AKNA: variants seen among roughly 807,000 people sequenced by gnomAD.
AKNA encodes the protein AT-hook transcription factor.
A neutral mutation model predicts 138.8 loss-of-function variants in AKNA; 67 were observed. The observed-to-expected ratio is 0.48, with a 90% CI of 0.40 to 0.59. The LOEUF (loss-of-function observed/expected upper bound fraction) is 0.59. Among genes scored for constraint, AKNA ranks in the 20% least tolerant of loss-of-function variants. The pLI is 0.00. For missense variants in AKNA, 1,813 were observed against 1,880.4 expected (o/e 0.96, Z 0.66); for synonymous variants, 737 against 754.4 (o/e 0.98, Z 0.38).
rs1474090822 is a variant in AKNA, at chr9:114,336,786, G to A, written c.*268C>T. On this transcript the variant is annotated 3_prime_UTR_variant, in exon 22 of 22. Coordinates refer to ENST00000374088, the MANE Select transcript of AKNA (RefSeq NM_001317950.2). ...TGCAGGACCAGGAGAGACTGCCTGA[G>A]GTTCTGCCTGGACCGAAGGAGGCCT... The A allele has an allele frequency of 4.9e-6, 2 of 407,302 alleles. No homozygotes were observed. Among genetic ancestry groups the A allele is most frequent in the Admixed American group, 4.3e-5 (1 of 23,266 alleles). The allele number at this position is 407,302 out of a possible 1,614,324, so 25.2% of individuals were successfully genotyped here.
chr9:114,344,137 A>G, intron 18 of AKNA: 2 of 240,204 alleles, frequency 8.3e-6, no homozygotes, highest in Non-Finnish European at 1.6e-5. Flanking sequence ...AGGATTTGAA[A>G]GCAGGCCAGG....
chr9:114,340,913 C>T (rs1192678749), intron 21 of AKNA, among the ~76,000 whole-genome samples: 1 of 152,204 alleles, frequency 6.6e-6, no homozygotes, highest in Non-Finnish European at 1.5e-5. Flanking sequence ...TCGCATACCA[C>T]ATGGGATCGT....
Position 114,368,683 on chromosome 9 carries a change from C to T in AKNA, c.1417-88G>A, listed in dbSNP as rs1012212363. The T allele has an allele frequency of 5.3e-6, 6 of 1,129,068 alleles. No individual in the cohort carries two copies. In the African/African-American group the frequency reaches 8.0e-5, roughly 15 times the overall value. The allele number at this position is 1,129,068 out of a possible 1,614,324, so 69.9% of individuals were successfully genotyped here. A position where few individuals can be genotyped will look rare whatever the true frequency, so the allele number is the denominator to read the frequency against. On this transcript the variant is annotated intron_variant, in intron 4 of 21. Coordinates refer to ENST00000374088, the MANE Select transcript of AKNA (RefSeq NM_001317950.2). The stretch of plus-strand genomic sequence containing the variant: ...CTCATCTTCATTCAGGAGCTCAACA[C>T]ACATGCCCTGTAGTAATAAATACCA...
chr9:114,348,046 C>A, intron 15 of AKNA, 146 bp from the exon 16 acceptor site: 4 of 863,102 alleles, frequency 4.6e-6, no homozygotes, highest in Non-Finnish European at 7.0e-6. Flanking sequence ...CTAGAACTTT[C>A]CTGTGCGACA....
chr9:114,331,989 G>T (rs993740130), downstream of AKNA: 1 of 1,466,316 alleles, frequency 6.8e-7, no homozygotes, highest in Non-Finnish European at 9.5e-7. Context: ...GGCAGCCCCA[G>T]AGGCCCAGAG....
At chr9:114,361,969 C>A in intron 8 of AKNA, 58 bp from the exon 9 acceptor site, 1 of 1,565,498 alleles carries the variant, frequency 6.4e-7, no homozygotes, top group South Asian at 1.1e-5. Flanking sequence ...TCAGGCAGGT[C>A]CAGGAACAGA....
In AKNA at chr9:114,377,370, T is replaced by G. The variant is rs1395754471; in HGVS notation, c.437A>C (p.Tyr146Ser). Residue 146 changes from tyrosine to serine, a missense_variant, in exon 3 of 22, where the codon TAT becomes TCT. By Grantham distance (144) the Tyr-to-Ser change is moderately radical. Coordinates refer to ENST00000374088, the MANE Select transcript of AKNA (RefSeq NM_001317950.2). ...GCCTTCCAAGCTGAGACCAGCCTCA[T>G]ACCCCAACCTTGAGGAGCTCTCTCC... Reference protein sequence around the residue: ...EAGESSSRLGYEAGLSLEGHG... With the variant: ...EAGESSSRLGSEAGLSLEGHG... The G allele has an allele frequency of 1.5e-5, 25 of 1,613,776 alleles. No homozygotes were observed. The highest frequency in any genetic ancestry group is 2.1e-5 in the Non-Finnish European group (25 of 1,179,928).
At chr9:114,365,422 T>C (rs767952890) in intron 6 of AKNA, among the ~76,000 whole-genome samples, 12 of 152,230 alleles carry the variant, frequency 7.9e-5, no homozygotes, top group Non-Finnish European at 1.5e-4. Context: ...ATATGCCCTC[T>C]GTACTGTGCA....
At chr9:114,330,585 C>T (rs764026440), downstream of AKNA, 8 of 1,612,488 alleles carry the variant, frequency 5.0e-6, no homozygotes, top group Middle Eastern at 1.6e-4. Flanking sequence ...CGGTGAGAGC[C>T]CCCATTCCAA....
At chr9:114,388,162 A>G, upstream of AKNA, 1 of 216,350 alleles carries the variant, frequency 4.6e-6, no homozygotes. Flanking sequence ...ACCCCTTGCA[A>G]GCCCTCCGCA....
chr9:114,375,682 G>T (rs1309604582), intron 3 of AKNA, among the ~76,000 whole-genome samples: 1 of 152,206 alleles, frequency 6.6e-6, no homozygotes, highest in African/African-American at 2.4e-5. Context: ...GTGAATAGGG[G>T]AGAGGTAAGG....
chr9:114,350,472 G>A (rs1449110967), intron 15 of AKNA, among the ~76,000 whole-genome samples: 2 of 151,976 alleles, frequency 1.3e-5, no homozygotes, highest in African/African-American at 2.4e-5. Flanking sequence ...AAATGCACAC[G>A]AACCAAAAAA....
At chr9:114,330,850 G>A (rs77523036), downstream of AKNA, 15,211 of 1,613,496 alleles carry the variant, frequency 9.4e-3, 1,501 homozygotes, top group African/African-American at 0.18. Context: ...GAATGGGACC[G>A]TCTCCAGATA....
rs776771827 is a variant in AKNA, at chr9:114,376,406, C to T, written c.1341+60G>A. 3 of 1,582,494 alleles carry T rather than the reference C, an allele frequency of 1.9e-6. No individual in the cohort carries two copies. In the Admixed American group the frequency reaches 5.0e-5, roughly 27 times the overall value. The stretch of plus-strand genomic sequence containing the variant: ...CTCCAGGCCTCCCCACCCCAATTAG[C>T]CTCCACCCCAAGCCAACAGGGGCCT... On this transcript the variant is annotated intron_variant, in intron 3 of 21. Coordinates refer to ENST00000374088, the MANE Select transcript of AKNA (RefSeq NM_001317950.2).
In AKNA at chr9:114,369,576, G is replaced by A. The variant is rs550436033; in HGVS notation, c.1417-981C>T. Among the ~76,000 whole-genome samples the A allele has an allele frequency of 4.6e-5, 7 of 152,086 alleles. No individual in the cohort carries two copies. In the South Asian group the frequency reaches 6.2e-4, roughly 14 times the overall value. The stretch of plus-strand genomic sequence containing the variant: ...CTAGTTGGTTTAATAACCTCTCTGC[G>A]CACAAAATAAGTGCTCAATAAATAG... On this transcript the variant is annotated intron_variant, in intron 4 of 21. Transcript: ENST00000374088.
Position 114,377,552 on chromosome 9 carries a change from ACTT to A in AKNA, c.275-23_275-21del. On this transcript the variant is annotated intron_variant, in intron 2 of 21. Transcript: ENST00000374088. ...CAGCCTCTGGAAAGACAGGCCATTC[ACTT>A]CTTAGCATATACCAGCTCTGCACCC... 1 of 1,572,790 alleles carries A rather than the reference ACTT, an allele frequency of 6.4e-7. No individual in the cohort carries two copies. The highest frequency in any genetic ancestry group is 8.6e-7 in the Non-Finnish European group (1 of 1,159,550).
At chr9:114,366,206 G>T (rs745562073) in intron 6 of AKNA, among the ~76,000 whole-genome samples, 3 of 151,826 alleles carry the variant, frequency 2.0e-5, no homozygotes, top group Non-Finnish European at 2.9e-5. Flanking sequence ...CTTGAACCCG[G>T]GAAGCGGAGG....
Position 114,343,709 on chromosome 9 carries a change from C to T in AKNA, c.3756G>A (p.Ala1252=), listed in dbSNP as rs148801911. The T allele has an allele frequency of 9.5e-4, 1,530 of 1,614,206 alleles. 3 individuals carry two copies. Among genetic ancestry groups the T allele is most frequent in the Non-Finnish European group, 1.2e-3 (1,463 of 1,180,020 alleles). The part of the protein sequence containing the change: ...PHCRPIRTQD[A]GGAVTGDPLG... ...AGTTTTCCAGGTGCCATTCCTTACC[C>T]GCATCCTGGGTCCTAATGGGCCGGC... is the stretch of plus-strand genomic sequence containing the variant. Residue 1252 remains alanine, a splice_region_variant and synonymous_variant, in exon 19 of 22, where the codon GCG becomes GCA. Transcript: ENST00000374088.
intron 4 of AKNA, among the ~76,000 whole-genome samples, chr9:114,368,922 T>C (rs142118239): frequency 6.6e-6 from 1 of 152,330 alleles, no homozygotes; most frequent in East Asian, 1.9e-4. Flanking sequence ...CACTGCTCTA[T>C]CTGACCCCAA....
Sources: allele counts gnomAD v4.1 joint callset (sites outside exome capture counted in the v4.1 genomes callset), GRCh38; gene constraint gnomAD v4.1.1; transcripts MANE v1.5; gene names NCBI Gene and HGNC (gene_info 2026-07-23, HGNC 2026-07-21).